The following BIRC6 variants were observed in gnomAD, a reference collection of about 807,000 sequenced individuals.
BIRC6 encodes the protein baculoviral IAP repeat containing 6.
In BIRC6, 98 loss-of-function variants were observed where a neutral mutation model predicts 503.3. That is an observed-to-expected ratio of 0.19 (90% CI 0.17 to 0.23). BIRC6 has a LOEUF of 0.23. Among genes scored for constraint, BIRC6 ranks in the 10% least tolerant of loss-of-function variants. BIRC6 has a pLI of 1.00. For missense variants in BIRC6, 5,360 were observed against 5,806.0 expected (o/e 0.92, Z 2.50); for synonymous variants, 2,240 against 2,078.7 (o/e 1.08, Z -2.11).
At chr2:32,377,558 T>G in intron 1 of BIRC6, 30 bp from the exon 2 acceptor site, 2 of 1,558,812 alleles carry the variant, frequency 1.3e-6, no homozygotes, top group Non-Finnish European at 1.7e-6. Flanking sequence ...CCTGAAAATC[T>G]TAAGTGTTGA....
intron 71 of BIRC6, among the ~76,000 whole-genome samples, chr2:32,606,526 G>T (rs377084486): frequency 6.6e-6 from 1 of 152,172 alleles, no homozygotes; most frequent in East Asian, 1.9e-4. Flanking sequence ...CCAGGAGACG[G>T]AGGTTGCAAT....
intron 66 of BIRC6, among the ~76,000 whole-genome samples, chr2:32,582,901 A>G (rs745512471): frequency 9.9e-5 from 15 of 152,238 alleles, no homozygotes; most frequent in Non-Finnish European, 2.2e-4. Flanking sequence ...TATCAGGTAC[A>G]TAATTATATA....
chr2:32,473,429 T>A (rs575642729), intron 33 of BIRC6, among the ~76,000 whole-genome samples, 190 bp downstream of exon 33: 22 of 152,306 alleles, frequency 1.4e-4, no homozygotes, highest in Middle Eastern at 3.4e-3. Context: ...TTTACAGACT[T>A]TGTTGATGTT....
At chr2:32,467,769 C>T (rs765237911) in intron 27 of BIRC6, 30 bp downstream of exon 27, 28 of 1,563,154 alleles carry the variant, frequency 1.8e-5, no homozygotes, top group Admixed American at 1.1e-4. Flanking sequence ...TAAATTGATA[C>T]GCTTTCTATG....
At chr2:32,508,645 T>C (rs1349595929) in intron 51 of BIRC6, among the ~76,000 whole-genome samples, 1 of 152,168 alleles carries the variant, frequency 6.6e-6, no homozygotes, top group Non-Finnish European at 1.5e-5. Context: ...TCTTATATGG[T>C]AATTCCTAAA....
chr2:32,466,862 G>T (rs1298102511), intron 26 of BIRC6, among the ~76,000 whole-genome samples: 1 of 152,080 alleles, frequency 6.6e-6, no homozygotes, highest in Non-Finnish European at 1.5e-5. Context: ...GCTCATGCCT[G>T]TAATCCCAGC....
chr2:32,436,054 T>C lies in BIRC6; in HGVS notation c.3501T>C (p.Cys1167=), dbSNP rs2044662387. 1 of 1,409,432 alleles carries C rather than the reference T, an allele frequency of 7.1e-7. No individual in the cohort carries two copies. The highest frequency in any genetic ancestry group is 1.6e-5 in the South Asian group (1 of 60,724). 87.3% of individuals were successfully genotyped at this position (1,409,432 alleles called of 1,614,324 possible). ...AAAAATATGTATTTTTCTTTTTAGGTCTTAGATTATGTCCATTTTTGGAGG... is the reference window on the plus strand; with the variant it reads ...AAAAATATGTATTTTTCTTTTTAGGCCTTAGATTATGTCCATTTTTGGAGG... ...MQHMDVEESQ[C]LRLCPFLEDH... is the part of the protein sequence containing the mutation. The change falls in exon 15 of 74, where the codon TGT becomes TGC. Residue 1167 remains cysteine, a splice_region_variant and synonymous_variant. Transcript: ENST00000421745.
chr2:32,388,965 G>GTGAC, intron 4 of BIRC6, 22 bp downstream of exon 4: 1 of 1,352,628 alleles, frequency 7.4e-7, no homozygotes, highest in Non-Finnish European at 9.7e-7. Flanking sequence ...GCTAACAAAG[G>GTGAC]TGACAGTGAG....
chr2:32,393,208 T>C (rs1207512472), intron 5 of BIRC6, among the ~76,000 whole-genome samples: 2 of 151,404 alleles, frequency 1.3e-5, no homozygotes, highest in Admixed American at 6.6e-5. Context: ...AAAGAACTGA[T>C]TAAGTTGCAT....
At chr2:32,400,338 T>A (rs2040460867) in intron 6 of BIRC6, among the ~76,000 whole-genome samples, 1 of 139,758 alleles carries the variant, frequency 7.2e-6, no homozygotes, top group South Asian at 2.3e-4. Flanking sequence ...TTTCAGATCT[T>A]TTTTTTTTTT....
chr2:32,599,021 C>CAAAAAAAAA (rs35744882), intron 69 of BIRC6, among the ~76,000 whole-genome samples: 1 of 27,828 alleles, frequency 3.6e-5, no homozygotes, highest in African/African-American at 1.5e-4. Flanking sequence ...AACTCCATCT[C>CAAAAAAAAA]AAAAAAAAAA....
chr2:32,543,472 C>T lies in BIRC6; in HGVS notation c.12523C>T (p.Leu4175=), dbSNP rs1050962702. 6.2e-7 allele frequency: 1 copy of T among 1,614,000 alleles called. No individual in the cohort carries two copies. The highest frequency in any genetic ancestry group is 2.2e-5 in the East Asian group (1 of 44,874). Reference sequence around the variant, plus strand: ...TCTTCCGGGCTATGCGGAAGTGCTACTGAAAGAGAGAAAACATGCCCAGTG... The same window carrying T: ...TCTTCCGGGCTATGCGGAAGTGCTATTGAAAGAGAGAAAACATGCCCAGTG... The part of the protein sequence containing the change: ...LRLPGYAEVL[L]KERKHAQCLL... The change falls in exon 62 of 74, where the codon CTG becomes TTG. Residue 4175 remains leucine (L), a synonymous_variant. Coordinates refer to ENST00000421745, the MANE Select transcript of BIRC6 (RefSeq NM_016252.4).
At chr2:32,403,084 C>G (rs1034339801) in intron 8 of BIRC6, among the ~76,000 whole-genome samples, 2 of 152,184 alleles carry the variant, frequency 1.3e-5, no homozygotes, top group African/African-American at 4.8e-5. Context: ...AAGAAAGTCT[C>G]AAACAAATCA....
intron 69 of BIRC6, 45 bp downstream of exon 69, chr2:32,598,013 T>C (rs755130199): frequency 7.6e-6 from 11 of 1,453,346 alleles, no homozygotes; most frequent in Middle Eastern, 2.0e-4. Context: ...TCTCCTTGGC[T>C]CATCTAATTA....
chr2:32,570,894 C>A (rs1315263666), intron 65 of BIRC6, among the ~76,000 whole-genome samples: 3 of 152,160 alleles, frequency 2.0e-5, no homozygotes, highest in Admixed American at 6.5e-5. Context: ...AACTCCTGGT[C>A]TCAAGCAGTC....
intron 23 of BIRC6, among the ~76,000 whole-genome samples, chr2:32,458,191 C>A (rs561659237): frequency 6.6e-6 from 1 of 152,222 alleles, no homozygotes; most frequent in East Asian, 1.9e-4. Flanking sequence ...CTCAAACTTT[C>A]TGAGATTGCC....
At chr2:32,476,824 T>C (rs1314730984) in intron 34 of BIRC6, among the ~76,000 whole-genome samples, 6 of 152,188 alleles carry the variant, frequency 3.9e-5, no homozygotes, top group African/African-American at 1.4e-4. Flanking sequence ...GGCTCAAATG[T>C]AGTATGTCTT....
intron 71 of BIRC6, among the ~76,000 whole-genome samples, chr2:32,604,011 T>G (rs2062252884): frequency 6.6e-6 from 1 of 152,092 alleles, no homozygotes; most frequent in Non-Finnish European, 1.5e-5. Flanking sequence ...CAAATAGCTT[T>G]TTAAGTGACG....
intron 65 of BIRC6, among the ~76,000 whole-genome samples, chr2:32,554,268 G>A (rs1213927552): frequency 6.6e-6 from 1 of 152,002 alleles, no homozygotes; most frequent in Non-Finnish European, 1.5e-5. Flanking sequence ...TTTTAATAGT[G>A]GTCTTATTAT....
Sources: allele counts gnomAD v4.1 joint callset (sites outside exome capture counted in the v4.1 genomes callset), GRCh38; gene constraint gnomAD v4.1.1; transcripts MANE v1.5; gene names NCBI Gene and HGNC (gene_info 2026-07-23, HGNC 2026-07-21).